LRRC8B: variants seen among roughly 807,000 people sequenced by gnomAD.
The protein encoded by LRRC8B is volume-regulated anion channel subunit LRRC8B.
In LRRC8B, 23 loss-of-function variants were observed where a neutral mutation model predicts 58.8. The observed-to-expected ratio is 0.39, with a 90% CI of 0.28 to 0.55. The LOEUF is 0.55. LRRC8B is among the 20% of genes least tolerant of loss of function. The pLI is 0.62. For synonymous variants in LRRC8B, 359 were observed against 374.1 expected (o/e 0.96, Z 0.47); for missense variants, 694 against 936.0 (o/e 0.74, Z 3.37).
At chr1:89,565,304 T>C (rs1366405583) in intron 1 of LRRC8B, among the ~76,000 whole-genome samples, 1 of 152,186 alleles carries the variant, frequency 6.6e-6, no homozygotes, top group Non-Finnish European at 1.5e-5. Flanking sequence ...GAAATCATAA[T>C]TTGATAAGAT....
At chr1:89,571,597 A>T (rs993981777) in intron 3 of LRRC8B, among the ~76,000 whole-genome samples, 1 of 152,142 alleles carries the variant, frequency 6.6e-6, no homozygotes, top group Non-Finnish European at 1.5e-5. Context: ...TTTTGGGCTG[A>T]GACTGTGGGG....
intron 1 of LRRC8B, among the ~76,000 whole-genome samples, chr1:89,534,851 C>G (rs2125724): frequency 0.028 from 4,274 of 152,150 alleles, 220 homozygotes; most frequent in Admixed American, 0.15. Context: ...TTAGGTCTTC[C>G]TCCAGTGTTG....
chr1:89,543,618 C>T (rs1030160603), intron 1 of LRRC8B, among the ~76,000 whole-genome samples: 1 of 152,026 alleles, frequency 6.6e-6, no homozygotes, highest in African/African-American at 2.4e-5. Context: ...GCCTCAGCCT[C>T]CTGAGTAGCT....
At chr1:89,566,600 T>G (rs1164003187) in intron 1 of LRRC8B, among the ~76,000 whole-genome samples, 2 of 152,218 alleles carry the variant, frequency 1.3e-5, no homozygotes, top group African/African-American at 4.8e-5. Flanking sequence ...TTTCCTAAGA[T>G]TTAACTATCC....
At chr1:89,545,960 T>C (rs538906441) in intron 1 of LRRC8B, among the ~76,000 whole-genome samples, 5 of 152,294 alleles carry the variant, frequency 3.3e-5, no homozygotes, top group African/African-American at 1.2e-4. Context: ...ACACCTGGCA[T>C]GGGTGTGATA....
rs1033886461 is a variant in LRRC8B, at chr1:89,595,171, C to T, written c.*2128C>T. Reference sequence around the variant, plus strand: ...AAATAAACTACTTACCAAAACTTGCCTTTAGTCAGAACATTCAGCTCTCAG... The same window carrying T: ...AAATAAACTACTTACCAAAACTTGCTTTTAGTCAGAACATTCAGCTCTCAG... On this transcript the variant is annotated 3_prime_UTR_variant, in exon 6 of 6. Transcript: ENST00000330947. The T allele has an allele frequency of 6.6e-6, 1 of 152,084 alleles. No homozygotes were observed. The highest frequency in any genetic ancestry group is 1.5e-5 in the Non-Finnish European group (1 of 67,960). 9.4% of individuals were successfully genotyped at this position (152,084 alleles called of 1,614,324 possible).
At chr1:89,587,645 A>G (rs1020215913) in intron 5 of LRRC8B, among the ~76,000 whole-genome samples, 4 of 152,242 alleles carry the variant, frequency 2.6e-5, no homozygotes, top group South Asian at 2.1e-4. Flanking sequence ...AAAGATTCCT[A>G]TAAGAGGCAT....
chr1:89,542,075 A>G (rs1460845228), intron 1 of LRRC8B, among the ~76,000 whole-genome samples: 3 of 152,186 alleles, frequency 2.0e-5, no homozygotes, highest in African/African-American at 4.8e-5. Context: ...TTGAACACAA[A>G]CCCAAGGCTA....
Position 89,594,189 on chromosome 1 carries a change from A to T in LRRC8B, c.*1146A>T, listed in dbSNP as rs769682372. On this transcript the variant is annotated 3_prime_UTR_variant, in exon 6 of 6. Transcript: ENST00000330947. ...TTTGTAAGATACATAGAATTTGTGC[A>T]TTTCTTTATGAACTTACTGTTAGTG... 2 of 152,138 alleles carry T rather than the reference A, an allele frequency of 1.3e-5. No homozygotes were observed. The highest frequency in any genetic ancestry group is 2.4e-5 in the African/African-American group (1 of 41,422). 9.4% of individuals were successfully genotyped at this position (152,138 alleles called of 1,614,324 possible).
At chr1:89,589,499 T>A (rs1164334199) in intron 5 of LRRC8B, among the ~76,000 whole-genome samples, 1 of 152,068 alleles carries the variant, frequency 6.6e-6, no homozygotes, top group Non-Finnish European at 1.5e-5. Context: ...TGAGCTAGGT[T>A]TGCTGAAATC....
chr1:89,554,105 G>A (rs897055187), intron 1 of LRRC8B, among the ~76,000 whole-genome samples: 1 of 152,060 alleles, frequency 6.6e-6, no homozygotes, highest in Non-Finnish European at 1.5e-5. Flanking sequence ...TTTTAGTGTG[G>A]AATTTGAGAC....
intron 1 of LRRC8B, among the ~76,000 whole-genome samples, chr1:89,560,517 C>T (rs913197145): frequency 5.3e-5 from 8 of 151,364 alleles, no homozygotes; most frequent in African/African-American, 1.7e-4. Flanking sequence ...GGTATATCTC[C>T]CAATGCTATC....
chr1:89,534,960 A>G (rs911538641), intron 1 of LRRC8B, among the ~76,000 whole-genome samples: 1 of 152,066 alleles, frequency 6.6e-6, no homozygotes, highest in African/African-American at 2.4e-5. Flanking sequence ...TCCTATGGGT[A>G]TTTCAAAATG....
At chr1:89,531,762 G>A (rs900816707) in intron 1 of LRRC8B, among the ~76,000 whole-genome samples, 14 of 152,126 alleles carry the variant, frequency 9.2e-5, no homozygotes, top group African/African-American at 2.4e-4. Flanking sequence ...TTTGCCCTCC[G>A]AACAGCCATC....
In LRRC8B at chr1:89,525,296, T is replaced by C. The variant is rs565901174; in HGVS notation, c.-241+274T>C. On this transcript the variant is annotated intron_variant, in intron 1 of 5. Transcript: ENST00000330947. ...CTGGGGTCATTTGGAGCAAGAGGTGTGGGCGGTCGCGCCGAGACGGTCACC... is the reference window on the plus strand; with the variant it reads ...CTGGGGTCATTTGGAGCAAGAGGTGCGGGCGGTCGCGCCGAGACGGTCACC... Among the ~76,000 whole-genome samples the C allele has an allele frequency of 4.4e-4, 67 of 152,110 alleles. 3 individuals are homozygous for C. In the South Asian group the frequency reaches 0.013, roughly 30 times the overall value.
At position 89,530,984 on chromosome 1, in the gene LRRC8B, T is replaced by G. The variant is rs115926334; in HGVS notation, c.-241+5962T>G. Among the ~76,000 whole-genome samples, 347 of 152,300 alleles carry G rather than the reference T, an allele frequency of 2.3e-3. 2 individuals carry two copies. Among genetic ancestry groups the G allele is most frequent in the African/African-American group, 7.9e-3 (330 of 41,574 alleles). On this transcript the variant is annotated intron_variant, in intron 1 of 5. Coordinates refer to ENST00000330947, the MANE Select transcript of LRRC8B (RefSeq NM_001369817.2). Reference sequence around the variant, plus strand: ...CTACTTCCATGCATCTTCCACGTATTGTGGTATTTTCCATGTATTGTGGTA... The same window carrying G: ...CTACTTCCATGCATCTTCCACGTATGGTGGTATTTTCCATGTATTGTGGTA...
intron 1 of LRRC8B, among the ~76,000 whole-genome samples, chr1:89,527,537 C>A (rs1649794508): frequency 1.3e-5 from 2 of 152,168 alleles, no homozygotes; most frequent in Non-Finnish European, 2.9e-5. Context: ...TTTGGGAGAC[C>A]CAGTTATAGT....
chr1:89,580,590 A>C (rs1370844478), intron 4 of LRRC8B, among the ~76,000 whole-genome samples: 2 of 151,946 alleles, frequency 1.3e-5, no homozygotes, highest in African/African-American at 4.8e-5. Context: ...TATTCCTCTC[A>C]TTTTAGTTTC....
chr1:89,543,559 A>G (rs1040111970), intron 1 of LRRC8B, among the ~76,000 whole-genome samples: 3 of 151,486 alleles, frequency 2.0e-5, no homozygotes, highest in Non-Finnish European at 4.4e-5. Flanking sequence ...GCAGTGGCAC[A>G]ATCTCAGCTC....
Sources: gnomAD v4.1 joint callset for allele counts (sites outside exome capture counted in the v4.1 genomes callset) on GRCh38, gnomAD v4.1.1 for gene constraint, MANE v1.5 for transcripts, NCBI Gene and HGNC (gene_info 2026-07-23, HGNC 2026-07-21) for gene names.